PI4KA: variants seen among roughly 807,000 people sequenced by gnomAD.
PI4KA encodes phosphatidylinositol 4-kinase alpha.
PI4KA carries 122 observed loss-of-function variants against 271.4 expected under a neutral mutation model. That is an observed-to-expected ratio of 0.45 (90% CI 0.39 to 0.52). The LOEUF (loss-of-function observed/expected upper bound fraction) is 0.52, where lower values mean the gene tolerates loss of function less well. Ranked by LOEUF, PI4KA falls within the 20% of genes least tolerant of loss-of-function variation. PI4KA has a pLI of 0.00. For missense variants in PI4KA, 1,969 were observed against 2,769.1 expected (o/e 0.71, Z 6.48); for synonymous variants, 1,041 against 1,078.8 (o/e 0.96, Z 0.69).
At chr22:20,775,543 C>T (rs776930829) in intron 19 of PI4KA, among the ~76,000 whole-genome samples, 14 of 152,198 alleles carry the variant, frequency 9.2e-5, no homozygotes, top group Non-Finnish European at 2.1e-4. Flanking sequence ...TCTATCTGGC[C>T]TCAGATACGT....
rs1162671508 is a variant in PI4KA, at chr22:20,858,636, G to A, written c.90C>T (p.Phe30=). The A allele has an allele frequency of 4.0e-6, 6 of 1,486,284 alleles. No individual in the cohort carries two copies. The highest frequency in any genetic ancestry group is 2.2e-5 in the Admixed American group (1 of 44,918). 92.1% of individuals were successfully genotyped at this position (1,486,284 alleles called of 1,614,324 possible). A position where few individuals can be genotyped will look rare whatever the true frequency, so the allele number is the denominator to read the frequency against. ...CCAGTGACAGGACCGTGTTGAAATAGAAGCCCCGCGAGGCGCTGGAGCCGG... is the reference window on the plus strand; with the variant it reads ...CCAGTGACAGGACCGTGTTGAAATAAAAGCCCCGCGAGGCGCTGGAGCCGG... ...SGSGSSASRG[F]YFNTVLSLAR... The change falls in exon 1 of 55, where the codon TTC becomes TTT. Residue 30 remains phenylalanine (F), a synonymous_variant. Coordinates refer to ENST00000255882, the MANE Select transcript of PI4KA (RefSeq NM_058004.4).
chr22:20,718,025 TG>T (rs1166603287), intron 44 of PI4KA, among the ~76,000 whole-genome samples: 1 of 151,928 alleles, frequency 6.6e-6, no homozygotes. Flanking sequence ...GGTGTGTGGC[TG>T]GGGGTGGTGG....
intron 30 of PI4KA, 36 bp from the exon 31 acceptor site, chr22:20,742,800 A>C (rs764284368): frequency 1.9e-6 from 3 of 1,607,462 alleles, no homozygotes; most frequent in Non-Finnish European, 2.6e-6. Context: ...TAAGCATATA[A>C]TCCAGGCAAT....
chr22:20,716,298 T>C (rs1208852016), intron 45 of PI4KA, among the ~76,000 whole-genome samples: 1 of 151,962 alleles, frequency 6.6e-6, no homozygotes, highest in Admixed American at 6.6e-5. Flanking sequence ...GTGATCCACC[T>C]GCCTTGGCCT....
At chr22:20,806,180 C>G (rs905415111) in intron 10 of PI4KA, among the ~76,000 whole-genome samples, 1 of 152,154 alleles carries the variant, frequency 6.6e-6, no homozygotes, top group Non-Finnish European at 1.5e-5. Flanking sequence ...TTTTGGTATA[C>G]CTTCCTGACA....
At position 20,846,716 on chromosome 22, in the gene PI4KA, G is replaced by A. The variant is rs188531916; in HGVS notation, c.157-7985C>T. Among the ~76,000 whole-genome samples the A allele has an allele frequency of 8.8e-4, 133 of 151,576 alleles. 3 individuals are homozygous for A. The highest frequency in any genetic ancestry group is 7.3e-3 in the South Asian group (35 of 4,788). On this transcript the variant is annotated intron_variant, in intron 1 of 54. Coordinates refer to ENST00000255882, the MANE Select transcript of PI4KA (RefSeq NM_058004.4). ...AAATTAGCCAGGCGTGGGGGCAAGC[G>A]TCTGTAGTCCCAGCTAATCAGGAGG...
chr22:20,766,990 T>C (rs1375798835), intron 19 of PI4KA, among the ~76,000 whole-genome samples: 2 of 152,100 alleles, frequency 1.3e-5, no homozygotes, highest in African/African-American at 4.8e-5. Context: ...ATTCTAAATA[T>C]CCCCACATAT....
At chr22:20,834,896 C>G (rs534275672) in intron 2 of PI4KA, among the ~76,000 whole-genome samples, 1 of 152,334 alleles carries the variant, frequency 6.6e-6, no homozygotes, top group East Asian at 1.9e-4. Flanking sequence ...AGGGTTCGCA[C>G]CTGCCTTCTG....
At chr22:20,830,320 T>C (rs1923987393) in intron 3 of PI4KA, among the ~76,000 whole-genome samples, 3 of 149,286 alleles carry the variant, frequency 2.0e-5, no homozygotes, top group Non-Finnish European at 4.4e-5. Flanking sequence ...GTTGCTTCCG[T>C]GTTCGATATG....
chr22:20,786,008 C>G, intron 19 of PI4KA: 1 of 1,614,104 alleles, frequency 6.2e-7, no homozygotes, highest in South Asian at 1.1e-5. Flanking sequence ...GTCTAGAACT[C>G]GAGAAGTGCT....
intron 36 of PI4KA, among the ~76,000 whole-genome samples, chr22:20,730,362 C>A (rs1225730618): frequency 6.6e-6 from 1 of 152,096 alleles, no homozygotes; most frequent in Non-Finnish European, 1.5e-5. Context: ...GCAACCTCCG[C>A]CTCCTGGGTT....
At chr22:20,843,657 A>T (rs1245685149) in intron 1 of PI4KA, among the ~76,000 whole-genome samples, 3 of 152,160 alleles carry the variant, frequency 2.0e-5, no homozygotes, top group Non-Finnish European at 4.4e-5. Flanking sequence ...CACAGATGCA[A>T]CCAGCAAACG....
chr22:20,833,356 G>T (rs1053138405), intron 3 of PI4KA, among the ~76,000 whole-genome samples: 22 of 152,354 alleles, frequency 1.4e-4, no homozygotes, highest in African/African-American at 5.0e-4. Flanking sequence ...CTATTTGCTT[G>T]TGACAGCAGC....
chr22:20,765,805 C>CAA (rs999286123), intron 19 of PI4KA, 112 bp from the exon 20 acceptor site: 1 of 698,488 alleles, frequency 1.4e-6, no homozygotes, highest in Non-Finnish European at 2.6e-6. Flanking sequence ...CTCAGAAACT[C>CAA]AGACTGGGTA....
At chr22:20,745,179 G>A (rs1301372807) in intron 29 of PI4KA, among the ~76,000 whole-genome samples, 1 of 152,118 alleles carries the variant, frequency 6.6e-6, no homozygotes, top group South Asian at 2.1e-4. Flanking sequence ...ACAGAAAAGG[G>A]TACACCTTGA....
intron 19 of PI4KA, chr22:20,787,501 A>G (rs1193709243): frequency 1.5e-5 from 4 of 270,062 alleles, no homozygotes; most frequent in Non-Finnish European, 2.9e-5. Context: ...AGGAGGGTAC[A>G]CAACTAGCAC....
In PI4KA at chr22:20,729,929, G is replaced by C. The variant is rs377578674; in HGVS notation, c.4371C>G (p.Pro1457=). ...AGATGGTGGACATGCCGCTGGACAG[G>C]GGGTATGTGTTGATCCAGCCTTGGG... The part of the protein sequence containing the change: ...QATQGWINTY[P]LSSGMSTISK... Residue 1457 remains proline (P), a synonymous_variant, in exon 37 of 55, where the codon CCC becomes CCG. Transcript: ENST00000255882. 3.1e-5 allele frequency: 50 copies of C among 1,614,186 alleles called. No individual in the cohort carries two copies. In the African/African-American group the frequency reaches 4.8e-4, roughly 15 times the overall value.
At chr22:20,794,720 A>G (rs1044656116) in intron 18 of PI4KA, among the ~76,000 whole-genome samples, 7 of 152,142 alleles carry the variant, frequency 4.6e-5, no homozygotes, top group African/African-American at 1.4e-4. Context: ...TCTCCCACTC[A>G]GCGCCACAGG....
chr22:20,821,440 G>T (rs188557692), intron 4 of PI4KA, among the ~76,000 whole-genome samples: 1 of 151,760 alleles, frequency 6.6e-6, no homozygotes, highest in African/African-American at 2.4e-5. Context: ...GGCTGGTCTC[G>T]AACTCCTGAC....
Sources: gnomAD v4.1 joint callset for allele counts (sites outside exome capture counted in the v4.1 genomes callset) on GRCh38, gnomAD v4.1.1 for gene constraint, MANE v1.5 for transcripts, NCBI Gene and HGNC (gene_info 2026-07-23, HGNC 2026-07-21) for gene names.